PARP4: variants seen among roughly 807,000 people sequenced by gnomAD.
PARP4 encodes the protein protein mono-ADP-ribosyltransferase PARP4.
In PARP4, 120 loss-of-function variants were observed where a neutral mutation model predicts 187.7. That is an observed-to-expected ratio of 0.64 (90% CI 0.55 to 0.74). The LOEUF (loss-of-function observed/expected upper bound fraction) is 0.74, where lower values mean the gene tolerates loss of function less well. Ranked by LOEUF, PARP4 falls within the 30% of genes least tolerant of loss-of-function variation. PARP4 has a pLI of 0.00. For missense variants in PARP4, 1,836 were observed against 2,070.5 expected, an observed-to-expected ratio of 0.89 and a Z score of 2.20; for synonymous variants, 654 against 740.9, an observed-to-expected ratio of 0.88 and a Z score of 1.90.
chr13:24,450,574 G>A (rs1040700398), intron 24 of PARP4, among the ~76,000 whole-genome samples: 3 of 152,132 alleles, frequency 2.0e-5, no homozygotes, highest in Admixed American at 6.5e-5. Context: ...GTCTGTTAGC[G>A]AGGCAGGCTG....
At chr13:24,429,166 A>AT (rs1215768043) in intron 32 of PARP4, among the ~76,000 whole-genome samples, 8 of 151,970 alleles carry the variant, frequency 5.3e-5, no homozygotes, top group African/African-American at 1.9e-4. Flanking sequence ...CTAGGATTTT[A>AT]ATTTGGTTTT....
At chr13:24,474,339 C>T (rs185978014) in intron 15 of PARP4, among the ~76,000 whole-genome samples, 8 of 127,920 alleles carry the variant, frequency 6.3e-5, no homozygotes, top group East Asian at 5.1e-4. Flanking sequence ...TGTGATGTGA[C>T]GTTGGGCCTG....
chr13:24,494,869 TTTTC>T (rs1342452240), intron 6 of PARP4, 147 bp from the exon 7 acceptor site: 2 of 543,434 alleles, frequency 3.7e-6, no homozygotes, highest in East Asian at 3.4e-5. Context: ...ATTCTTTTTC[TTTTC>T]TTTTTCTTTT....
chr13:24,481,979 T>C (rs893469598), intron 12 of PARP4, among the ~76,000 whole-genome samples: 6 of 152,262 alleles, frequency 3.9e-5, no homozygotes. Context: ...GCTATTCTCC[T>C]TGCCCTTAAG....
intron 12 of PARP4, among the ~76,000 whole-genome samples, chr13:24,479,664 G>A (rs187018869): frequency 1.3e-3 from 201 of 152,208 alleles, no homozygotes; most frequent in African/African-American, 4.6e-3. Context: ...GATTGTAAAC[G>A]CACCAATCAG....
chr13:24,439,367 T>C (rs1476007902), intron 30 of PARP4, among the ~76,000 whole-genome samples: 1 of 149,906 alleles, frequency 6.7e-6, no homozygotes, highest in East Asian at 1.9e-4. Flanking sequence ...ATGTGCACTA[T>C]GAGAAAATTA....
intron 12 of PARP4, among the ~76,000 whole-genome samples, chr13:24,479,184 C>T (rs151097187): frequency 0.011 from 1,641 of 152,240 alleles, 39 homozygotes; most frequent in African/African-American, 0.036. Flanking sequence ...ATTTTGGAGA[C>T]GCATGTCTGT....
At chr13:24,488,992 G>A (rs1170945752) in intron 10 of PARP4, among the ~76,000 whole-genome samples, 1 of 152,112 alleles carries the variant, frequency 6.6e-6, no homozygotes, top group African/African-American at 2.4e-5. Context: ...ACTTTTTCAT[G>A]GCCGAATAAT....
intron 1 of PARP4, among the ~76,000 whole-genome samples, chr13:24,507,222 A>G (rs1869760645): frequency 6.6e-6 from 1 of 152,220 alleles, no homozygotes; most frequent in African/African-American, 2.4e-5. Context: ...TCGCCAGCTC[A>G]GAAAGGGGCT....
chr13:24,482,690 T>C (rs1873342351), intron 12 of PARP4, among the ~76,000 whole-genome samples: 1 of 152,218 alleles, frequency 6.6e-6, no homozygotes, highest in South Asian at 2.1e-4. Context: ...TTGCACACTT[T>C]AATAGACTAG....
At chr13:24,450,276 C>T (rs1871440268) in intron 24 of PARP4, among the ~76,000 whole-genome samples, 1 of 151,812 alleles carries the variant, frequency 6.6e-6, no homozygotes, top group Non-Finnish European at 1.5e-5. Context: ...AAGCAACTCT[C>T]ACTCTAGCAA....
At chr13:24,497,158 T>C (rs866469193) in intron 6 of PARP4, among the ~76,000 whole-genome samples, 1 of 152,230 alleles carries the variant, frequency 6.6e-6, no homozygotes, top group African/African-American at 2.4e-5. Context: ...ATGATTGTTT[T>C]AGATTGGAAC....
At chr13:24,453,555 C>A (rs370962225) in intron 23 of PARP4, 32 bp downstream of exon 23, 1 of 1,360,314 alleles carries the variant, frequency 7.4e-7, no homozygotes, top group Non-Finnish European at 1.1e-6. Flanking sequence ...TAGGAAAAGA[C>A]CCAGGAGATA....
chr13:24,443,845 C>T, intron 27 of PARP4, 115 bp from the exon 28 acceptor site: 1 of 705,726 alleles, frequency 1.4e-6, no homozygotes, highest in East Asian at 2.5e-5. Context: ...ATGCACTCCT[C>T]TTAAATACAC....
In PARP4 at chr13:24,462,377, A is replaced by G. The variant is rs571884746; in HGVS notation, c.2134-2241T>C. 8.5e-4 allele frequency among the ~76,000 whole-genome samples: 130 copies of G among 152,332 alleles called. 1 individual carries two copies. The highest frequency in any genetic ancestry group is 3.0e-3 in the African/African-American group (125 of 41,572). ...GTAATAATAACAACAGAGAGTAATGATAACAACAGCAGAACTCAAACTCAA... is the reference window on the plus strand; with the variant it reads ...GTAATAATAACAACAGAGAGTAATGGTAACAACAGCAGAACTCAAACTCAA... On this transcript the variant is annotated intron_variant, in intron 17 of 33. Coordinates refer to ENST00000381989, the MANE Select transcript of PARP4 (RefSeq NM_006437.4).
intron 3 of PARP4, 117 bp from the exon 4 acceptor site, chr13:24,500,499 T>C (rs1869213731): frequency 3.5e-6 from 2 of 570,798 alleles, no homozygotes; most frequent in Non-Finnish European, 5.9e-6. Flanking sequence ...AGTTATAATT[T>C]TGGTGATCAA....
At chr13:24,471,597 A>T (rs567145802) in intron 15 of PARP4, among the ~76,000 whole-genome samples, 1 of 151,654 alleles carries the variant, frequency 6.6e-6, no homozygotes, top group Admixed American at 6.6e-5. Context: ...CACATATAAG[A>T]ATCTACACCC....
In PARP4 at chr13:24,498,116, C is replaced by A. The variant is rs770538740; in HGVS notation, c.591G>T (p.Glu197Asp). Residue 197 changes from glutamate (E) to aspartate (D), a missense_variant and splice_region_variant, in exon 6 of 34, where the codon GAG becomes GAT. Glu to Asp is a conservative substitution (Grantham distance 45). Transcript: ENST00000381989. ...TAGGAATCAATATAAACAGCATTACCTCCATGCCATCATCCAGGAGGAAGT... is the reference window on the plus strand; with the variant it reads ...TAGGAATCAATATAAACAGCATTACATCCATGCCATCATCCAGGAGGAAGT... ...SSHFLLDDGM[E>D]TRRQFAIKKT... 1 of 1,600,194 alleles carries A rather than the reference C, an allele frequency of 6.2e-7. No homozygotes were observed. Among genetic ancestry groups the A allele is most frequent in the South Asian group, 1.1e-5 (1 of 90,800 alleles).
intron 6 of PARP4, among the ~76,000 whole-genome samples, chr13:24,496,609 G>A (rs1273601451): frequency 6.6e-6 from 1 of 152,138 alleles, no homozygotes; most frequent in Non-Finnish European, 1.5e-5. Flanking sequence ...CACCTGACGT[G>A]AGTCTCTTTC....
Sources: gnomAD v4.1 joint callset for allele counts (sites outside exome capture counted in the v4.1 genomes callset) on GRCh38, gnomAD v4.1.1 for gene constraint, MANE v1.5 for transcripts, NCBI Gene and HGNC (gene_info 2026-07-23, HGNC 2026-07-21) for gene names.